CSMD1: variants seen among roughly 807,000 people sequenced by gnomAD.
CSMD1 encodes CUB and sushi domain-containing protein 1.
In CSMD1, 213 loss-of-function variants were observed where a neutral mutation model predicts 417.5. The observed-to-expected ratio is 0.51, with a 90% confidence interval of 0.46 to 0.57. The LOEUF (loss-of-function observed/expected upper bound fraction) is 0.57, where lower values mean the gene tolerates loss of function less well. CSMD1 is among the 20% of genes least tolerant of loss of function. The pLI is 0.00. For synonymous variants in CSMD1, 2,862 were observed against 1,736.8 expected (o/e 1.65, Z -16.11); for missense variants, 6,923 against 4,529.7 (o/e 1.53, Z -15.17).
chr8:4,077,319 A>ATATATATC (rs1799884159), intron 3 of CSMD1, among the ~76,000 whole-genome samples: 1 of 128,068 alleles, frequency 7.8e-6, no homozygotes, highest in African/African-American at 2.7e-5. Context: ...ATATATATAT[A>ATATATATC]TATGGTAGAC....
intron 6 of CSMD1, among the ~76,000 whole-genome samples, chr8:3,753,245 C>G (rs1206948401): frequency 6.6e-6 from 1 of 152,090 alleles, no homozygotes; most frequent in African/African-American, 2.4e-5. Flanking sequence ...ATTTGGAAAT[C>G]GAAGTGGAAT....
intron 1 of CSMD1, among the ~76,000 whole-genome samples, chr8:4,993,209 A>T (rs566660984): frequency 6.6e-6 from 1 of 152,340 alleles, no homozygotes; most frequent in Admixed American, 6.5e-5. Flanking sequence ...ATTGAAAAAA[A>T]ATCGTAAGAT....
Position 3,395,608 on chromosome 8 carries a change from A to G in CSMD1, c.2593+586T>C, listed in dbSNP as rs886474520. Among the ~76,000 whole-genome samples the G allele has an allele frequency of 5.9e-5, 9 of 152,180 alleles. No individual in the cohort carries two copies. The East Asian group carries it at 1.3e-3, about 23-fold the overall frequency. On this transcript the variant is annotated intron_variant, in intron 17 of 69. Transcript: ENST00000635120. ...TACATTCCATTATAATATTTTGACAATTGTTTTAAAATATGTTTAATAATT... is the reference window on the plus strand; with the variant it reads ...TACATTCCATTATAATATTTTGACAGTTGTTTTAAAATATGTTTAATAATT...
intron 3 of CSMD1, among the ~76,000 whole-genome samples, chr8:4,242,114 G>A (rs887839734): frequency 6.6e-6 from 1 of 152,112 alleles, no homozygotes; most frequent in Admixed American, 6.6e-5. Flanking sequence ...TTCTCAGAAT[G>A]CTCTAAGAAT....
chr8:4,658,540 C>G (rs905766948), intron 1 of CSMD1, among the ~76,000 whole-genome samples: 4 of 152,208 alleles, frequency 2.6e-5, no homozygotes, highest in African/African-American at 9.6e-5. Context: ...CTTCAGAAAT[C>G]AGACATTGAT....
intron 12 of CSMD1, among the ~76,000 whole-genome samples, chr8:3,420,850 T>A (rs1029174090): frequency 1.3e-5 from 2 of 152,172 alleles, no homozygotes; most frequent in South Asian, 4.1e-4. Flanking sequence ...CACGCTCCAA[T>A]ATATTAAAAA....
intron 1 of CSMD1, among the ~76,000 whole-genome samples, chr8:4,702,458 A>C (rs1303638559): frequency 2.6e-5 from 4 of 152,168 alleles, no homozygotes; most frequent in African/African-American, 9.7e-5. Context: ...GGAACATTCT[A>C]AATAGTCCCC....
At chr8:4,616,445 G>A (rs1336397260) in intron 2 of CSMD1, among the ~76,000 whole-genome samples, 1 of 152,164 alleles carries the variant, frequency 6.6e-6, no homozygotes, top group Non-Finnish European at 1.5e-5. Flanking sequence ...TAGTCTGTAA[G>A]AGTAAAACTA....
At chr8:3,064,407 G>T (rs1812785032) in intron 49 of CSMD1, among the ~76,000 whole-genome samples, 1 of 152,050 alleles carries the variant, frequency 6.6e-6, no homozygotes, top group South Asian at 2.1e-4. Context: ...GTGAAGAAGG[G>T]ACTTGCTTCC....
Position 4,188,451 on chromosome 8 carries a change from AG to A in CSMD1, c.416-156353del, listed in dbSNP as rs1427979842. On this transcript the variant is annotated intron_variant, in intron 3 of 69. Coordinates refer to ENST00000635120, the MANE Select transcript of CSMD1 (RefSeq NM_033225.6). Reference sequence around the variant, plus strand: ...GATACAAGTCCTGAAATCCAGCCTGAGAAACTTTATTTTGGAAAAGGGTCCA... The same window carrying A: ...GATACAAGTCCTGAAATCCAGCCTGAAAACTTTATTTTGGAAAAGGGTCCA... Among the ~76,000 whole-genome samples the A allele has an allele frequency of 5.8e-4, 89 of 152,224 alleles. 1 individual carries two copies. The highest frequency in any genetic ancestry group is 2.0e-3 in the African/African-American group (83 of 41,558).
chr8:3,900,110 C>T (rs1271637748), intron 5 of CSMD1, among the ~76,000 whole-genome samples: 1 of 151,784 alleles, frequency 6.6e-6, no homozygotes, highest in African/African-American at 2.4e-5. Context: ...AGCTGGTTGG[C>T]ACTGTAGCTG....
intron 2 of CSMD1, among the ~76,000 whole-genome samples, chr8:4,460,076 G>A (rs942062947): frequency 3.3e-5 from 5 of 152,074 alleles, no homozygotes; most frequent in East Asian, 1.9e-4. Context: ...TTTCAAGGGC[G>A]TATGAAACAT....
At chr8:4,430,875 TG>T (rs1347234174) in intron 2 of CSMD1, among the ~76,000 whole-genome samples, 2 of 152,188 alleles carry the variant, frequency 1.3e-5, no homozygotes, top group Non-Finnish European at 2.9e-5. Flanking sequence ...GCCTTCTGTG[TG>T]ATCAGCACCA....
intron 7 of CSMD1, among the ~76,000 whole-genome samples, chr8:3,680,754 A>C (rs1788728106): frequency 1.3e-5 from 2 of 152,194 alleles, no homozygotes; most frequent in South Asian, 4.2e-4. Context: ...ATTTTAGACC[A>C]ATATCCCTGA....
intron 1 of CSMD1, among the ~76,000 whole-genome samples, chr8:4,708,741 T>C (rs1213838518): frequency 6.6e-6 from 1 of 152,146 alleles, no homozygotes; most frequent in Non-Finnish European, 1.5e-5. Context: ...AAGATTCATA[T>C]ATAAAGTCCT....
At chr8:3,757,952 A>C (rs896824774) in intron 5 of CSMD1, among the ~76,000 whole-genome samples, 1 of 152,120 alleles carries the variant, frequency 6.6e-6, no homozygotes, top group African/African-American at 2.4e-5. Context: ...TTTAAAAAAA[A>C]TGCGTAAGTC....
intron 1 of CSMD1, among the ~76,000 whole-genome samples, chr8:4,935,932 C>A (rs537154900): frequency 6.6e-6 from 1 of 152,206 alleles, no homozygotes; most frequent in Non-Finnish European, 1.5e-5. Context: ...GCCACGCTGC[C>A]GCTCAGAACA....
intron 12 of CSMD1, among the ~76,000 whole-genome samples, chr8:3,438,748 G>C (rs947400567): frequency 6.6e-6 from 1 of 152,084 alleles, no homozygotes; most frequent in Non-Finnish European, 1.5e-5. Flanking sequence ...GTGAACAGAA[G>C]CCTTCACTTC....
chr8:3,276,764 A>C (rs552783714), intron 26 of CSMD1, among the ~76,000 whole-genome samples: 3 of 152,330 alleles, frequency 2.0e-5, no homozygotes, highest in East Asian at 1.9e-4. Flanking sequence ...AGAGGTATTC[A>C]TTATGCAAAG....
Sources: allele counts gnomAD v4.1 joint callset (sites outside exome capture counted in the v4.1 genomes callset), GRCh38; gene constraint gnomAD v4.1.1; transcripts MANE v1.5; gene names NCBI Gene and HGNC (gene_info 2026-07-23, HGNC 2026-07-21).